The following CNTNAP3 variants were observed in gnomAD, a reference collection of about 807,000 sequenced individuals.
CNTNAP3 encodes the protein contactin-associated protein-like 3.
Under a neutral mutation model 92.1 loss-of-function variants are expected in CNTNAP3, and 36 were observed. The ratio of observed to expected loss-of-function variants is 0.39; its 90% CI spans 0.30 to 0.52. The LOEUF (loss-of-function observed/expected upper bound fraction) is 0.52, where lower values mean the gene tolerates loss of function less well. Ranked by LOEUF, CNTNAP3 falls within the 20% of genes least tolerant of loss-of-function variation. The pLI is 0.76. For missense variants in CNTNAP3, 534 were observed against 1,069.6 expected (o/e 0.50, Z 6.98); for synonymous variants, 232 against 422.3 (o/e 0.55, Z 5.53).
intron 15 of CNTNAP3, among the ~76,000 whole-genome samples, 155 bp from the exon 16 acceptor site, chr9:39,104,069 T>C (rs548180889): frequency 6.6e-6 from 1 of 152,298 alleles, no homozygotes; most frequent in Admixed American, 6.5e-5. Flanking sequence ...CATATACTGA[T>C]GACATCAAGA....
At chr9:39,101,834 C>T (rs1382456322) in intron 17 of CNTNAP3, among the ~76,000 whole-genome samples, 1 of 152,258 alleles carries the variant, frequency 6.6e-6, no homozygotes, top group Non-Finnish European at 1.5e-5. Flanking sequence ...TAAAATATAG[C>T]TGTCACATAT....
intron 21 of CNTNAP3, among the ~76,000 whole-genome samples, chr9:39,084,796 A>C (rs2118412663): frequency 6.6e-6 from 1 of 152,124 alleles, no homozygotes; most frequent in South Asian, 2.1e-4. Flanking sequence ...TGTTTTATTA[A>C]TGTTTGATGA....
chr9:39,094,542 C>CAAT (rs1348361559), intron 18 of CNTNAP3, among the ~76,000 whole-genome samples: 12 of 150,364 alleles, frequency 8.0e-5, no homozygotes, highest in African/African-American at 2.9e-4. Flanking sequence ...TGGTAAGGGT[C>CAAT]TAACTTCAAT....
intron 12 of CNTNAP3, among the ~76,000 whole-genome samples, chr9:39,135,760 GC>G (rs1211464044): frequency 9.2e-5 from 14 of 152,022 alleles, no homozygotes; most frequent in Admixed American, 8.5e-4. Flanking sequence ...CTAACACAAT[GC>G]CTATTTTATA....
chr9:39,101,206 C>T (rs544476490), intron 17 of CNTNAP3, among the ~76,000 whole-genome samples: 91 of 149,828 alleles, frequency 6.1e-4, no homozygotes, highest in East Asian at 2.0e-4. Flanking sequence ...GAGCTAACCA[C>T]GCCTGAAGCT....
intron 17 of CNTNAP3, among the ~76,000 whole-genome samples, chr9:39,100,699 C>G (rs1271815649): frequency 6.6e-6 from 1 of 151,970 alleles, no homozygotes; most frequent in Non-Finnish European, 1.5e-5. Context: ...ACACCGTACC[C>G]CAGGATCTCC....
intron 16 of CNTNAP3, among the ~76,000 whole-genome samples, chr9:39,103,221 C>G (rs1242037691): frequency 1.3e-5 from 2 of 152,294 alleles, no homozygotes; most frequent in Non-Finnish European, 2.9e-5. Context: ...GTTCTGTACT[C>G]TAGGGAAGGC....
chr9:39,132,822 C>G (rs1213352927), intron 13 of CNTNAP3, 110 bp downstream of exon 13: 4 of 1,293,342 alleles, frequency 3.1e-6, no homozygotes, highest in Non-Finnish European at 4.1e-6. Context: ...GGGCTTTGAA[C>G]TAAGAGCCAC....
intron 16 of CNTNAP3, among the ~76,000 whole-genome samples, chr9:39,103,385 C>T (rs1826514732): frequency 6.6e-6 from 1 of 152,074 alleles, no homozygotes; most frequent in African/African-American, 2.4e-5. Flanking sequence ...AGTTGAAGAC[C>T]AGCCTGGTCA....
intron 12 of CNTNAP3, among the ~76,000 whole-genome samples, chr9:39,139,511 T>C (rs1821520263): frequency 6.6e-6 from 1 of 152,232 alleles, no homozygotes; most frequent in Admixed American, 6.5e-5. Flanking sequence ...GCCCATGTAA[T>C]TTCAGTTATT....
chr9:39,076,889 G>T (rs865919430), intron 23 of CNTNAP3, among the ~76,000 whole-genome samples: 1 of 152,292 alleles, frequency 6.6e-6, no homozygotes, highest in Non-Finnish European at 1.5e-5. Flanking sequence ...AATGGGAGGC[G>T]GAGCTTGCAG....
At chr9:39,078,620 G>C in intron 22 of CNTNAP3, 70 bp downstream of exon 22, 1 of 1,549,312 alleles carries the variant, frequency 6.5e-7, no homozygotes, top group South Asian at 1.2e-5. Context: ...AGAAAAGAAG[G>C]CTTTTGAGAA....
chr9:39,238,557 A>C lies in CNTNAP3; in HGVS notation c.390+436T>G, dbSNP rs1229864781. 3.7e-4 allele frequency among the ~76,000 whole-genome samples: 2 copies of C among 5,368 alleles called. 1 individual carries two copies. The highest frequency in any genetic ancestry group is 4.0e-4 in the African/African-American group (2 of 5,046). 3.5% of individuals were successfully genotyped at this position (5,368 alleles called of 152,430 possible). A position where few individuals can be genotyped will look rare whatever the true frequency, so the allele number is the denominator to read the frequency against. On this transcript the variant is annotated intron_variant, in intron 3 of 23. Coordinates refer to ENST00000297668, the MANE Select transcript of CNTNAP3 (RefSeq NM_033655.5). ...TAAAAAAAAAACAAAAAACAAAAAA[A>C]AAAAAAACAAGAAAAACTAAATCTG...
At chr9:39,078,661 C>T in intron 22 of CNTNAP3, 29 bp downstream of exon 22, 1 of 1,548,318 alleles carries the variant, frequency 6.5e-7, no homozygotes, top group Non-Finnish European at 8.7e-7. Flanking sequence ...AGCGCAGTTT[C>T]AGGTGCGCAG....
At chr9:39,078,110 G>C (rs1412481177) in intron 23 of CNTNAP3, among the ~76,000 whole-genome samples, 2 of 152,418 alleles carry the variant, frequency 1.3e-5, no homozygotes, top group Admixed American at 1.3e-4. Context: ...AGGAGGCTGA[G>C]GCAGGAGAAT....
chr9:39,067,751 C>T lies in CNTNAP3; in HGVS notation c.*6139G>A, dbSNP rs1386176882. Among the ~76,000 whole-genome samples, 10 of 152,410 alleles carry T rather than the reference C, an allele frequency of 6.6e-5. No individual in the cohort carries two copies. The South Asian group carries it at 1.9e-3, about 28-fold the overall frequency. ...TACATGTGAACTTTGCTCAGAGATGCCAATTAGTTATTGGAAACGGTTTGA... is the reference window on the plus strand; with the variant it reads ...TACATGTGAACTTTGCTCAGAGATGTCAATTAGTTATTGGAAACGGTTTGA... On this transcript the variant is annotated 3_prime_UTR_variant, in exon 24 of 24. Transcript: ENST00000297668.
intron 12 of CNTNAP3, among the ~76,000 whole-genome samples, chr9:39,134,696 G>A (rs907822257): frequency 6.6e-6 from 1 of 152,208 alleles, no homozygotes; most frequent in African/African-American, 2.4e-5. Context: ...CCAAAGTGCT[G>A]GGATTACAGG....
At chr9:39,120,753 T>C (rs1350377971) in intron 13 of CNTNAP3, among the ~76,000 whole-genome samples, 6 of 152,074 alleles carry the variant, frequency 3.9e-5, no homozygotes, top group Admixed American at 3.9e-4. Context: ...CCCTAAAGAA[T>C]GGCTAAAGGA....
At position 39,217,400 on chromosome 9, in the gene CNTNAP3, A is replaced by ATATATT. The variant is rs1440827881; in HGVS notation, c.390+21592_390+21593insAATATA. ...TATATATATATATATATATATATATATTCATTGTGGGAATTTCAAATGGGA... is the reference window on the plus strand; with the variant it reads ...TATATATATATATATATATATATATATATATTTTCATTGTGGGAATTTCAAATGGGA... On this transcript the variant is annotated intron_variant, in intron 3 of 23. Transcript: ENST00000297668. Among the ~76,000 whole-genome samples, 9 of 19,904 alleles carry ATATATT rather than the reference A, an allele frequency of 4.5e-4. 2 individuals are homozygous for ATATATT. The highest frequency in any genetic ancestry group is 7.4e-4 in the African/African-American group (9 of 12,218). The allele number at this position is 19,904 out of a possible 152,430, so 13.1% of individuals were successfully genotyped here.
Sources: gnomAD v4.1 joint callset for allele counts (sites outside exome capture counted in the v4.1 genomes callset) on GRCh38, gnomAD v4.1.1 for gene constraint, MANE v1.5 for transcripts, NCBI Gene and HGNC (gene_info 2026-07-23, HGNC 2026-07-21) for gene names.